The following DCAF6 variants were observed in gnomAD, a reference collection of about 807,000 sequenced individuals.
DCAF6 encodes the protein DDB1- and CUL4-associated factor 6.
In DCAF6, 54 loss-of-function variants were observed where a neutral mutation model predicts 125.1. That is an observed-to-expected ratio of 0.43 (90% CI 0.35 to 0.54). The LOEUF (loss-of-function observed/expected upper bound fraction) is 0.54. Among genes scored for constraint, DCAF6 ranks in the 20% least tolerant of loss-of-function variants. DCAF6 has a pLI of 0.01. For missense variants in DCAF6, 934 were observed against 1,161.7 expected (o/e 0.80, Z 2.85); for synonymous variants, 371 against 390.4 (o/e 0.95, Z 0.58).
At chr1:167,944,451 C>CT (rs1229832011) in intron 1 of DCAF6, among the ~76,000 whole-genome samples, 1 of 152,142 alleles carries the variant, frequency 6.6e-6, no homozygotes, top group Non-Finnish European at 1.5e-5. Context: ...TAAGAGTTCC[C>CT]TTTTTTTCAC....
the DCAF6 span, among the ~76,000 whole-genome samples, chr1:167,928,481 T>C: frequency 6.6e-6 from 1 of 152,168 alleles, no homozygotes; most frequent in Admixed American, 6.5e-5. Flanking sequence ...TTTAGACATA[T>C]ATAAAACAGA....
intron 18 of DCAF6, among the ~76,000 whole-genome samples, chr1:168,064,976 A>G (rs927278575): frequency 1.1e-4 from 16 of 152,128 alleles, no homozygotes; most frequent in Admixed American, 5.2e-4. Flanking sequence ...TCTTCTTTCT[A>G]TTCTTTGGGT....
rs1443047687 is a variant in DCAF6 at position 168,022,981 on chromosome 1, G to A, written c.1550-7G>A. 6 of 1,613,696 alleles carry A rather than the reference G, an allele frequency of 3.7e-6. No homozygotes were observed. Among genetic ancestry groups the A allele is most frequent in the Admixed American group, 1.7e-5 (1 of 59,968 alleles). Reference sequence around the variant, plus strand: ...ACTTTTAAGTTGAAATCTCATTTTTGTTTCAGATTCTCCTTCTTCTGTGGT... The same window carrying A: ...ACTTTTAAGTTGAAATCTCATTTTTATTTCAGATTCTCCTTCTTCTGTGGT... On this transcript the variant is annotated splice_polypyrimidine_tract_variant and splice_region_variant and intron_variant, in intron 11 of 21. Coordinates refer to ENST00000367840, the MANE Select transcript of DCAF6 (RefSeq NM_001198956.2).
chr1:167,870,186 G>T, the DCAF6 span: 1 of 1,552,022 alleles, frequency 6.4e-7, no homozygotes. Flanking sequence ...CAAGTTATAG[G>T]AAGGAGAGGA....
intron 4 of DCAF6, among the ~76,000 whole-genome samples, chr1:167,984,007 A>G (rs1393618779): frequency 1.3e-5 from 2 of 152,300 alleles, no homozygotes; most frequent in African/African-American, 4.8e-5. Flanking sequence ...ACTGTTTTTT[A>G]CAACTACCAT....
chr1:168,049,437 T>TG (rs1382215077), intron 16 of DCAF6, among the ~76,000 whole-genome samples: 11 of 138,150 alleles, frequency 8.0e-5, no homozygotes, highest in South Asian at 4.5e-4. Flanking sequence ...TGTTGTTTTT[T>TG]TTTTTTTTTT....
intron 10 of DCAF6, among the ~76,000 whole-genome samples, chr1:168,011,518 T>C (rs191411566): frequency 4.6e-5 from 7 of 152,366 alleles, no homozygotes; most frequent in Non-Finnish European, 7.3e-5. Context: ...TGTAGAATTA[T>C]TATAGCTAAA....
chr1:168,054,014 A>G (rs1461776414), intron 17 of DCAF6, among the ~76,000 whole-genome samples: 1 of 152,222 alleles, frequency 6.6e-6, no homozygotes, highest in Non-Finnish European at 1.5e-5. Context: ...ACAAAGGAGC[A>G]GAAACAGCAA....
chr1:167,993,956 G>A (rs1681257082), intron 7 of DCAF6, among the ~76,000 whole-genome samples: 1 of 151,736 alleles, frequency 6.6e-6, no homozygotes, highest in Non-Finnish European at 1.5e-5. Flanking sequence ...ATTATAATTA[G>A]CAATTAGTTA....
At chr1:167,975,822 A>G (rs964223724) in intron 4 of DCAF6, among the ~76,000 whole-genome samples, 1 of 152,130 alleles carries the variant, frequency 6.6e-6, no homozygotes, top group South Asian at 2.1e-4. Flanking sequence ...CACAGTGCCA[A>G]GGTTATAGAT....
chr1:168,027,535 A>G (rs12084920), intron 12 of DCAF6, among the ~76,000 whole-genome samples: 4,396 of 152,224 alleles, frequency 0.029, 218 homozygotes, highest in African/African-American at 0.1. Context: ...TTTTAACAAA[A>G]CACGAATGCT....
At chr1:167,910,438 G>C in the DCAF6 span, among the ~76,000 whole-genome samples, 7 of 152,124 alleles carry the variant, frequency 4.6e-5, no homozygotes, top group African/African-American at 1.4e-4. Flanking sequence ...TCAAATATTT[G>C]GGCTGAACTG....
chr1:167,995,129 A>G (rs765476583), intron 7 of DCAF6, among the ~76,000 whole-genome samples: 5 of 152,158 alleles, frequency 3.3e-5, no homozygotes, highest in South Asian at 2.1e-4. Context: ...CTGCTATGCA[A>G]ATTTCCCCTT....
intron 10 of DCAF6, among the ~76,000 whole-genome samples, chr1:168,012,194 A>G (rs1684393417): frequency 6.6e-6 from 1 of 152,180 alleles, no homozygotes; most frequent in Non-Finnish European, 1.5e-5. Context: ...TTAGATATAA[A>G]AATGATCCAG....
chr1:167,878,331 C>A, the DCAF6 span: 2 of 1,183,964 alleles, frequency 1.7e-6, no homozygotes, highest in East Asian at 2.4e-5. Context: ...CTGGGGAAAG[C>A]ATAGATTTCA....
intron 5 of DCAF6, among the ~76,000 whole-genome samples, chr1:167,988,711 C>T (rs1184791810): frequency 6.6e-6 from 1 of 151,230 alleles, no homozygotes; most frequent in Non-Finnish European, 1.5e-5. Context: ...AACCAGTTAC[C>T]AACTGGTTAA....
At chr1:168,042,020 C>T (rs1290852559) in intron 13 of DCAF6, among the ~76,000 whole-genome samples, 4 of 151,392 alleles carry the variant, frequency 2.6e-5, no homozygotes, top group Non-Finnish European at 5.9e-5. Flanking sequence ...TTTTTCTCTG[C>T]ATATATACAC....
intron 4 of DCAF6, among the ~76,000 whole-genome samples, chr1:167,982,191 G>A (rs1679286877): frequency 6.6e-6 from 1 of 152,052 alleles, no homozygotes; most frequent in East Asian, 1.9e-4. Flanking sequence ...GTCTGTTCAT[G>A]TCCTTTGCTC....
chr1:167,937,281 C>T (rs1042100791), intron 1 of DCAF6: 56 of 494,842 alleles, frequency 1.1e-4, no homozygotes, highest in Middle Eastern at 2.9e-4. Flanking sequence ...GTTGGGGTCG[C>T]TGATGGGTTG....
Sources: gnomAD v4.1 joint callset for allele counts (sites outside exome capture counted in the v4.1 genomes callset) on GRCh38, gnomAD v4.1.1 for gene constraint, MANE v1.5 for transcripts, NCBI Gene and HGNC (gene_info 2026-07-23, HGNC 2026-07-21) for gene names.